LRSAM1: variants seen among roughly 807,000 people sequenced by gnomAD.
The protein encoded by LRSAM1 is leucine rich repeat and sterile alpha motif containing 1.
LRSAM1 carries 96 observed loss-of-function variants against 118.1 expected under a neutral mutation model. The observed-to-expected ratio is 0.81, with a 90% CI of 0.69 to 0.96. LRSAM1 has a LOEUF of 0.96. Ranked by LOEUF, LRSAM1 falls within the 40% of genes least tolerant of loss-of-function variation. LRSAM1 has a pLI of 0.00. For missense variants in LRSAM1, 804 were observed against 915.5 expected (o/e 0.88, Z 1.57); for synonymous variants, 322 against 364.2 (o/e 0.88, Z 1.32).
chr9:127,502,751 A>T, intron 25 of LRSAM1, 23 bp from the exon 26 acceptor site: 6 of 1,609,300 alleles, frequency 3.7e-6, no homozygotes, highest in Non-Finnish European at 5.1e-6. Flanking sequence ...GGCCAGCCAC[A>T]TGCTCCCGCT....
rs868473866 is a variant in LRSAM1, at chr9:127,484,969, G to A, written c.1160-767G>A. Among the ~76,000 whole-genome samples the A allele has an allele frequency of 5.3e-5, 8 of 151,746 alleles. No individual in the cohort carries two copies. In the South Asian group the frequency reaches 1.0e-3, roughly 20 times the overall value. ...ATTACAGGCACCTGCCACCATGCCC[G>A]GCTAATTTTTGTATTTTTAGTACAG... On this transcript the variant is annotated intron_variant, in intron 16 of 25. Coordinates refer to ENST00000300417, the MANE Select transcript of LRSAM1 (RefSeq NM_001005373.4).
intron 11 of LRSAM1, among the ~76,000 whole-genome samples, chr9:127,476,366 C>T (rs2249936): frequency 6.6e-6 from 1 of 151,762 alleles, no homozygotes; most frequent in Non-Finnish European, 1.5e-5. Flanking sequence ...GGCAATGTGG[C>T]GAGACCCTGT....
chr9:127,491,780 T>C (rs1835942964), intron 20 of LRSAM1, among the ~76,000 whole-genome samples: 1 of 152,146 alleles, frequency 6.6e-6, no homozygotes, highest in African/African-American at 2.4e-5. Context: ...CGCACACAGA[T>C]GAGAGGGCAG....
At chr9:127,463,851 G>A (rs1170301285) in intron 9 of LRSAM1, among the ~76,000 whole-genome samples, 2 of 152,194 alleles carry the variant, frequency 1.3e-5, no homozygotes, top group East Asian at 1.9e-4. Context: ...GAATCGCTCC[G>A]TGTATCGTCA....
At chr9:127,495,864 C>CTATG (rs1323999834) in intron 22 of LRSAM1, 100 bp from the exon 23 acceptor site, 22 of 1,511,004 alleles carry the variant, frequency 1.5e-5, no homozygotes, top group Non-Finnish European at 6.2e-6. Flanking sequence ...CGAGTACATT[C>CTATG]TATGTATTAT....
At chr9:127,460,981 G>A (rs1054914050) in intron 7 of LRSAM1, among the ~76,000 whole-genome samples, 192 bp from the exon 8 acceptor site, 10 of 145,290 alleles carry the variant, frequency 6.9e-5, no homozygotes, top group Non-Finnish European at 1.0e-4. Context: ...TCAGCCTCCC[G>A]AGTAGCTGGG....
chr9:127,453,286 T>A (rs1024842533), intron 2 of LRSAM1, among the ~76,000 whole-genome samples: 5 of 152,196 alleles, frequency 3.3e-5, no homozygotes, highest in African/African-American at 1.2e-4. Flanking sequence ...TTGACCATGT[T>A]ACCCAGGCTG....
At chr9:127,502,120 T>A (rs1310279140) in intron 25 of LRSAM1, among the ~76,000 whole-genome samples, 2 of 152,252 alleles carry the variant, frequency 1.3e-5, no homozygotes. Context: ...GAAAGAAGCC[T>A]GAACACCCTG....
At chr9:127,493,868 G>A (rs770878674) in intron 21 of LRSAM1, among the ~76,000 whole-genome samples, 9 of 152,182 alleles carry the variant, frequency 5.9e-5, no homozygotes, top group Admixed American at 3.9e-4. Flanking sequence ...CTGTGTCCCC[G>A]TGAATGCACC....
chr9:127,486,728 C>G (rs1835746228), intron 17 of LRSAM1: 1 of 152,244 alleles, frequency 6.6e-6, no homozygotes, highest in East Asian at 1.9e-4. Context: ...CTTCAAATTC[C>G]TTATCAGATA....
At chr9:127,485,204 T>G (rs982181260) in intron 16 of LRSAM1, among the ~76,000 whole-genome samples, 1 of 152,156 alleles carries the variant, frequency 6.6e-6, no homozygotes, top group Non-Finnish European at 1.5e-5. Flanking sequence ...TCACAGGAGA[T>G]GTTATGTATG....
chr9:127,457,445 G>A (rs1429954799), intron 6 of LRSAM1, 52 bp downstream of exon 6: 1 of 1,559,738 alleles, frequency 6.4e-7, no homozygotes, highest in Non-Finnish European at 8.8e-7. Flanking sequence ...GTTCCACGCG[G>A]CAGCTGAGCG....
intron 10 of LRSAM1, among the ~76,000 whole-genome samples, chr9:127,471,171 C>G (rs1588111946): frequency 6.6e-6 from 1 of 151,986 alleles, no homozygotes; most frequent in East Asian, 1.9e-4. Flanking sequence ...AGACAAAAGC[C>G]TTTATTTTCT....
rs1836463695 is a variant in LRSAM1, at chr9:127,503,208, T to C, written c.*309T>C. The C allele has an allele frequency of 2.4e-6, 1 of 419,706 alleles. No homozygotes were observed. The highest frequency in any genetic ancestry group is 3.6e-5 in the Admixed American group (1 of 27,704). 26.0% of individuals were successfully genotyped at this position (419,706 alleles called of 1,614,324 possible). On this transcript the variant is annotated 3_prime_UTR_variant, in exon 26 of 26. Transcript: ENST00000300417. ...CGGATCTGCTGCCTCCCAGCTGTCT[T>C]GACTGAAGGCCACCGCCCCTGCAGG... is the stretch of plus-strand genomic sequence containing the variant.
At chr9:127,481,810 C>G (rs1835549015) in intron 15 of LRSAM1, among the ~76,000 whole-genome samples, 1 of 152,032 alleles carries the variant, frequency 6.6e-6, no homozygotes, top group South Asian at 2.1e-4. Context: ...AATCCCAGCA[C>G]TTTGGGAGGC....
At chr9:127,470,925 A>C (rs954900520) in intron 10 of LRSAM1, 1 of 152,052 alleles carries the variant, frequency 6.6e-6, no homozygotes, top group African/African-American at 2.4e-5. Context: ...ACAGTCAGTT[A>C]CAGATTTAAG....
intron 19 of LRSAM1, among the ~76,000 whole-genome samples, chr9:127,490,882 C>G (rs374369472): frequency 1.3e-5 from 2 of 152,296 alleles, no homozygotes; most frequent in African/African-American, 4.8e-5. Context: ...CTGTGCTTTA[C>G]TCTGGCCTGA....
intron 16 of LRSAM1, among the ~76,000 whole-genome samples, chr9:127,483,255 A>T (rs567711750): frequency 6.6e-6 from 1 of 152,158 alleles, no homozygotes; most frequent in African/African-American, 2.4e-5. Context: ...CTGCTCCCCA[A>T]CTTTTCCAAG....
chr9:127,501,522 A>C (rs1309806545), intron 25 of LRSAM1, among the ~76,000 whole-genome samples: 2 of 152,174 alleles, frequency 1.3e-5, no homozygotes, highest in African/African-American at 4.8e-5. Context: ...ACCTGAGGTC[A>C]GGAGTTTGAG....
Sources: gnomAD v4.1 joint callset for allele counts (sites outside exome capture counted in the v4.1 genomes callset) on GRCh38, gnomAD v4.1.1 for gene constraint, MANE v1.5 for transcripts, NCBI Gene and HGNC (gene_info 2026-07-23, HGNC 2026-07-21) for gene names.